CDH12: variants seen among roughly 807,000 people sequenced by gnomAD.
The protein encoded by CDH12 is cadherin 12, also known as cadherin-12.
Under a neutral mutation model 74.1 loss-of-function variants are expected in CDH12, and 41 were observed. The observed-to-expected ratio is 0.55, with a 90% CI of 0.43 to 0.72. CDH12 has a LOEUF of 0.72. CDH12 is among the 30% of genes least tolerant of loss of function. The pLI, the probability that CDH12 is intolerant of heterozygous loss-of-function variation, is 0.00. For missense variants in CDH12, 945 were observed against 977.2 expected (o/e 0.97, Z 0.44); for synonymous variants, 399 against 355.0 (o/e 1.12, Z -1.39).
chr5:22,631,341 C>T (rs1008123919), intron 1 of CDH12, among the ~76,000 whole-genome samples: 3 of 152,066 alleles, frequency 2.0e-5, no homozygotes, highest in Non-Finnish European at 4.4e-5. Context: ...CATGTATATG[C>T]GTACTGCAGC....
intron 6 of CDH12, among the ~76,000 whole-genome samples, chr5:21,909,067 A>C (rs1753757999): frequency 6.6e-6 from 1 of 152,166 alleles, no homozygotes; most frequent in Non-Finnish European, 1.5e-5. Context: ...AAACAAAAAC[A>C]TTAAAGAAAA....
intron 5 of CDH12, among the ~76,000 whole-genome samples, chr5:22,054,907 C>T (rs1740633381): frequency 6.6e-6 from 1 of 152,150 alleles, no homozygotes; most frequent in Non-Finnish European, 1.5e-5. Flanking sequence ...AAAATAGCTG[C>T]ATGCAGGTGT....
chr5:22,651,502 A>G (rs34697150), intron 1 of CDH12, among the ~76,000 whole-genome samples: 23,244 of 152,044 alleles, frequency 0.15, 2,252 homozygotes, highest in Admixed American at 0.33. Flanking sequence ...CCAAACACCT[A>G]TAAAACCATC....
intron 3 of CDH12, among the ~76,000 whole-genome samples, chr5:22,310,148 A>C (rs1365304713): frequency 6.6e-6 from 1 of 151,908 alleles, no homozygotes; most frequent in Admixed American, 6.6e-5. Flanking sequence ...TTAAAGTATA[A>C]TAAAAAACAA....
chr5:22,371,646 C>A (rs180853221), intron 3 of CDH12, among the ~76,000 whole-genome samples: 1 of 152,178 alleles, frequency 6.6e-6, no homozygotes, highest in African/African-American at 2.4e-5. Flanking sequence ...TAATCTTAAG[C>A]ATTAGTCTGT....
intron 1 of CDH12, among the ~76,000 whole-genome samples, chr5:22,687,538 G>T (rs2126938196): frequency 6.6e-6 from 1 of 152,100 alleles, no homozygotes; most frequent in Non-Finnish European, 1.5e-5. Context: ...CTCTCAAGTA[G>T]CTGGGACTAC....
chr5:21,819,112 G>A (rs1290256732), intron 8 of CDH12, among the ~76,000 whole-genome samples: 2 of 151,862 alleles, frequency 1.3e-5, no homozygotes, highest in African/African-American at 4.8e-5. Flanking sequence ...TCTACCAGAA[G>A]GATAAAGCCA....
chr5:22,201,683 T>A (rs961716132), intron 4 of CDH12, among the ~76,000 whole-genome samples: 1 of 151,966 alleles, frequency 6.6e-6, no homozygotes, highest in Non-Finnish European at 1.5e-5. Context: ...AAAAAATGGG[T>A]GTCCAGTGGG....
At chr5:22,503,444 A>T (rs1736253732) in intron 2 of CDH12, among the ~76,000 whole-genome samples, 1 of 152,048 alleles carries the variant, frequency 6.6e-6, no homozygotes, top group Admixed American at 6.6e-5. Flanking sequence ...AAATCTATAT[A>T]TTCATTGTTC....
chr5:22,485,133 T>G (rs2126630844), intron 2 of CDH12, among the ~76,000 whole-genome samples: 1 of 152,174 alleles, frequency 6.6e-6, no homozygotes, highest in Non-Finnish European at 1.5e-5. Context: ...TGTCCATTGT[T>G]TATTATCTTA....
chr5:22,482,406 C>G (rs566490175), intron 2 of CDH12, among the ~76,000 whole-genome samples: 1 of 152,202 alleles, frequency 6.6e-6, no homozygotes, highest in Admixed American at 6.5e-5. Flanking sequence ...AAAAAAATCT[C>G]CAATTTAGCC....
intron 3 of CDH12, among the ~76,000 whole-genome samples, chr5:22,308,327 C>A (rs887711529): frequency 1.3e-5 from 2 of 152,114 alleles, no homozygotes; most frequent in Admixed American, 1.3e-4. Flanking sequence ...TGTAGGATCA[C>A]AGACATTTCC....
chr5:22,719,795 G>C (rs1412442420), intron 1 of CDH12, among the ~76,000 whole-genome samples: 1 of 152,098 alleles, frequency 6.6e-6, no homozygotes, highest in Admixed American at 6.6e-5. Context: ...TTTCCAAAAA[G>C]ATCTTTGATT....
chr5:22,277,822 G>A (rs1225337024), intron 3 of CDH12, among the ~76,000 whole-genome samples: 2 of 152,094 alleles, frequency 1.3e-5, no homozygotes, highest in Non-Finnish European at 1.5e-5. Context: ...CAACAAGAGC[G>A]AAACTCTGTC....
intron 7 of CDH12, among the ~76,000 whole-genome samples, chr5:21,846,677 T>C (rs1228294104): frequency 1.3e-5 from 2 of 152,150 alleles, no homozygotes. Flanking sequence ...AGAATCTATT[T>C]CATTGATTTC....
intron 1 of CDH12, among the ~76,000 whole-genome samples, chr5:22,795,521 C>CAT (rs1748149860): frequency 6.6e-6 from 1 of 151,422 alleles, no homozygotes; most frequent in African/African-American, 2.4e-5. Flanking sequence ...TGTATATACA[C>CAT]ATATATATAC....
intron 4 of CDH12, among the ~76,000 whole-genome samples, chr5:22,207,426 G>T (rs1419447453): frequency 1.3e-5 from 2 of 152,070 alleles, no homozygotes; most frequent in Non-Finnish European, 2.9e-5. Flanking sequence ...TTTGTGGCTT[G>T]CAATCAGCCA....
At chr5:22,818,749 G>A (rs1415242411) in intron 1 of CDH12, among the ~76,000 whole-genome samples, 1 of 152,086 alleles carries the variant, frequency 6.6e-6, no homozygotes, top group East Asian at 1.9e-4. Context: ...ACAGGCAATA[G>A]GTAAGTGAGG....
At chr5:21,991,408 A>C (rs2150135671) in intron 5 of CDH12, among the ~76,000 whole-genome samples, 1 of 151,276 alleles carries the variant, frequency 6.6e-6, no homozygotes, top group East Asian at 1.9e-4. Context: ...GTGAGAGAAA[A>C]AAATGAAAAA....
Sources: gnomAD v4.1 joint callset for allele counts (sites outside exome capture counted in the v4.1 genomes callset) on GRCh38, gnomAD v4.1.1 for gene constraint, MANE v1.5 for transcripts, NCBI Gene and HGNC (gene_info 2026-07-23, HGNC 2026-07-21) for gene names.